The following ANKS1B variants were observed in gnomAD, a reference collection of about 807,000 sequenced individuals.
ANKS1B encodes ankyrin repeat and sterile alpha motif domain-containing protein 1B.
Under a neutral mutation model 148.3 loss-of-function variants are expected in ANKS1B, and 36 were observed. The ratio of observed to expected loss-of-function variants is 0.24; its 90% confidence interval spans 0.19 to 0.32. The LOEUF (loss-of-function observed/expected upper bound fraction) is 0.32. ANKS1B is among the 10% of genes least tolerant of loss of function. ANKS1B has a pLI of 1.00. For missense variants in ANKS1B, 1,157 were observed against 1,542.6 expected (o/e 0.75, Z 4.19); for synonymous variants, 542 against 560.8 (o/e 0.97, Z 0.47).
At chr12:99,401,319 T>G (rs1043934064) in intron 11 of ANKS1B, among the ~76,000 whole-genome samples, 2 of 146,400 alleles carry the variant, frequency 1.4e-5, no homozygotes, top group African/African-American at 2.6e-5. Context: ...TAGAAAGGCA[T>G]GAGCTATAGC....
At chr12:99,100,623 A>G (rs897899183) in intron 15 of ANKS1B, among the ~76,000 whole-genome samples, 6 of 152,182 alleles carry the variant, frequency 3.9e-5, no homozygotes, top group Non-Finnish European at 8.8e-5. Context: ...TCCACCCTCC[A>G]GGTTCCAGTG....
chr12:99,812,055 C>A, intron 3 of ANKS1B, 100 bp downstream of exon 3: 2 of 1,389,678 alleles, frequency 1.4e-6, no homozygotes, highest in Non-Finnish European at 1.9e-6. Flanking sequence ...AATGGAAAGG[C>A]CTTTGGGCAA....
At position 99,015,696 on chromosome 12, in the gene ANKS1B, C is replaced by A. The variant is rs1039817399; in HGVS notation, c.2778+37461G>T. 9.9e-5 allele frequency among the ~76,000 whole-genome samples: 15 copies of A among 152,204 alleles called. No homozygotes were observed. The East Asian group carries it at 2.9e-3, about 29-fold the overall frequency. ...CCTGGCTAACACGATGAAACACCGTCTCTATTAAAAATACAAAAAATTAGC... is the reference window on the plus strand; with the variant it reads ...CCTGGCTAACACGATGAAACACCGTATCTATTAAAAATACAAAAAATTAGC... On this transcript the variant is annotated intron_variant, in intron 17 of 26. Transcript: ENST00000683438.
chr12:99,076,835 T>C (rs961581367), intron 16 of ANKS1B, among the ~76,000 whole-genome samples: 1 of 152,196 alleles, frequency 6.6e-6, no homozygotes, highest in Non-Finnish European at 1.5e-5. Flanking sequence ...TGCCTGTTTT[T>C]TTAAATAAAG....
At chr12:99,648,171 A>C (rs749638352) in intron 9 of ANKS1B, 2 of 1,607,778 alleles carry the variant, frequency 1.2e-6, no homozygotes, top group Admixed American at 3.3e-5. Flanking sequence ...ATTTAAAGGA[A>C]GACATGGAGG....
intron 9 of ANKS1B, among the ~76,000 whole-genome samples, chr12:99,590,288 A>ACACACG (rs1324198222): frequency 4.0e-5 from 6 of 151,100 alleles, no homozygotes; most frequent in Non-Finnish European, 7.4e-5. Context: ...ACACACACAC[A>ACACACG]CACGCTTATT....
chr12:99,582,593 A>AT (rs2097581377), intron 9 of ANKS1B, among the ~76,000 whole-genome samples: 1 of 152,312 alleles, frequency 6.6e-6, no homozygotes, highest in East Asian at 1.9e-4. Context: ...AAAAGAATGC[A>AT]TAGTATCTGG....
At chr12:98,857,036 T>C (rs2099575329) in intron 17 of ANKS1B, among the ~76,000 whole-genome samples, 1 of 107,370 alleles carries the variant, frequency 9.3e-6, no homozygotes, top group African/African-American at 3.0e-5. Flanking sequence ...ACATAACCCC[T>C]GCACACAATG....
At chr12:99,486,068 T>C (rs1454180911) in intron 10 of ANKS1B, among the ~76,000 whole-genome samples, 2 of 152,212 alleles carry the variant, frequency 1.3e-5, no homozygotes, top group African/African-American at 2.4e-5. Flanking sequence ...GCTGGAGAGC[T>C]AGTGTGATCT....
At chr12:99,714,374 T>C (rs909426731) in intron 8 of ANKS1B, among the ~76,000 whole-genome samples, 7 of 152,242 alleles carry the variant, frequency 4.6e-5, no homozygotes, top group Non-Finnish European at 8.8e-5. Context: ...CCTCATTTTA[T>C]TGTGCTTTGC....
intron 8 of ANKS1B, among the ~76,000 whole-genome samples, chr12:99,668,063 AC>A (rs1306756263): frequency 2.4e-4 from 37 of 152,208 alleles, no homozygotes; most frequent in Middle Eastern, 3.4e-3. Context: ...ATTGGGAACA[AC>A]CCTTATCTTT....
chr12:98,929,507 A>C (rs915852355), intron 17 of ANKS1B, among the ~76,000 whole-genome samples: 1 of 152,150 alleles, frequency 6.6e-6, no homozygotes, highest in African/African-American at 2.4e-5. Context: ...TGAAGAACTC[A>C]TACTTCCTGA....
At position 99,765,596 on chromosome 12, in the gene ANKS1B, C is replaced by A. The variant is rs767743314; in HGVS notation, c.1128+7326G>T. 2.0e-5 allele frequency among the ~76,000 whole-genome samples: 3 copies of A among 152,246 alleles called. No homozygotes were observed. In the South Asian group the frequency reaches 6.2e-4, roughly 32 times the overall value. ...TTTTCATATAAGTTCAATTATTTGT[C>A]ATATTTGCTATTCCTCCCTAACTTC... On this transcript the variant is annotated intron_variant, in intron 8 of 26. Coordinates refer to ENST00000683438, the MANE Select transcript of ANKS1B (RefSeq NM_001352186.2).
intron 15 of ANKS1B, among the ~76,000 whole-genome samples, chr12:99,130,865 T>C (rs2065891863): frequency 6.6e-6 from 1 of 152,196 alleles, no homozygotes; most frequent in African/African-American, 2.4e-5. Flanking sequence ...TACATGCTAT[T>C]TCCTCTGCCC....
downstream of ANKS1B, among the ~76,000 whole-genome samples, chr12:98,742,071 G>A (rs1565918012): frequency 6.6e-6 from 1 of 152,256 alleles, no homozygotes; most frequent in Non-Finnish European, 1.5e-5. Context: ...CTGTGGTGAT[G>A]AGACAGAACT....
intron 17 of ANKS1B, among the ~76,000 whole-genome samples, chr12:98,900,396 ATACT>A (rs1189635594): frequency 6.6e-6 from 1 of 152,212 alleles, no homozygotes; most frequent in African/African-American, 2.4e-5. Flanking sequence ...CAAGGAAAAA[ATACT>A]TATATCACTA....
At chr12:99,494,732 CAAAAAAAAAAAAA>C (rs59115173) in intron 10 of ANKS1B, among the ~76,000 whole-genome samples, 2 of 55,998 alleles carry the variant, frequency 3.6e-5, no homozygotes, top group South Asian at 8.0e-4. Context: ...CACTCTGTCT[CAAAAAAAAAAAAA>C]AAAAAAAAAA....
In ANKS1B at chr12:98,745,249, G is replaced by A; in HGVS notation, c.*490C>T. On this transcript the variant is annotated 3_prime_UTR_variant, in exon 27 of 27. Coordinates refer to ENST00000683438, the MANE Select transcript of ANKS1B (RefSeq NM_001352186.2). ...TTGTTTTTGTCCTTTTGCATTAAACGATACTCAATGATAGAATGATTTTAC... is the reference window on the plus strand; with the variant it reads ...TTGTTTTTGTCCTTTTGCATTAAACAATACTCAATGATAGAATGATTTTAC... The A allele has an allele frequency of 1.0e-6, 1 of 985,726 alleles. No individual in the cohort carries two copies. Among genetic ancestry groups the A allele is most frequent in the South Asian group, 4.7e-5 (1 of 21,278 alleles). The allele number at this position is 985,726 out of a possible 1,614,324, so 61.1% of individuals were successfully genotyped here.
At chr12:99,572,156 A>T in intron 9 of ANKS1B, among the ~76,000 whole-genome samples, 1 of 152,072 alleles carries the variant, frequency 6.6e-6, no homozygotes, top group Non-Finnish European at 1.5e-5. Context: ...TGTAAGATGG[A>T]GGTCCCTTAC....
Sources: gnomAD v4.1 joint callset for allele counts (sites outside exome capture counted in the v4.1 genomes callset) on GRCh38, gnomAD v4.1.1 for gene constraint, MANE v1.5 for transcripts, NCBI Gene and HGNC (gene_info 2026-07-23, HGNC 2026-07-21) for gene names.